Variants in UBP1 observed in about 807,000 individuals in gnomAD.
UBP1 encodes upstream binding protein 1.
Under a neutral mutation model 76.1 loss-of-function variants are expected in UBP1, and 22 were observed. The observed-to-expected ratio is 0.29, with a 90% CI of 0.21 to 0.41. The LOEUF (loss-of-function observed/expected upper bound fraction) is 0.41. UBP1 is among the 10% of genes least tolerant of loss of function. The probability of loss-of-function intolerance (pLI) is 1.00; values close to 1 mark genes in which losing one functional copy is unlikely to be tolerated. For synonymous variants in UBP1, 224 were observed against 237.1 expected (o/e 0.94, Z 0.51); for missense variants, 436 against 668.1 (o/e 0.65, Z 3.83).
At chr3:33,404,039 T>G (rs1035178186) in intron 8 of UBP1, among the ~76,000 whole-genome samples, 1 of 151,982 alleles carries the variant, frequency 6.6e-6, no homozygotes, top group African/African-American at 2.4e-5. Context: ...TAGCCCAGGA[T>G]AGCTTGAGCC....
intron 2 of UBP1, among the ~76,000 whole-genome samples, chr3:33,418,204 TCAA>T (rs2044779618): frequency 6.6e-6 from 1 of 152,160 alleles, no homozygotes; most frequent in Non-Finnish European, 1.5e-5. Flanking sequence ...GAAATAAAAA[TCAA>T]CAAAAGGTTT....
At chr3:33,395,593 G>A (rs2043946255) in intron 13 of UBP1, among the ~76,000 whole-genome samples, 2 of 151,760 alleles carry the variant, frequency 1.3e-5, no homozygotes, top group Admixed American at 6.6e-5. Context: ...TATTTACAGT[G>A]ACATAAAAAC....
rs550556547 is a variant in UBP1 at position 33,401,209 on chromosome 3, C to A, written c.1032-193G>T. Among the ~76,000 whole-genome samples, 13 of 152,246 alleles carry A rather than the reference C, an allele frequency of 8.5e-5. No homozygotes were observed. In the East Asian group the frequency reaches 2.3e-3, roughly 27 times the overall value. On this transcript the variant is annotated intron_variant, in intron 9 of 15. Coordinates refer to ENST00000283629, the MANE Select transcript of UBP1 (RefSeq NM_014517.5). ...TGGACATGATGACGAAATTAAGACA[C>A]AGAAGACTGTGTCTTAATTTGTGCC...
At chr3:33,421,306 C>T (rs1157811274) in intron 2 of UBP1, among the ~76,000 whole-genome samples, 6 of 28,772 alleles carry the variant, frequency 2.1e-4, no homozygotes, top group African/African-American at 4.0e-4. Context: ...TTGCAGGGGG[C>T]GGGGGCGGGG....
chr3:33,393,584 G>A, intron 13 of UBP1, 130 bp from the exon 14 acceptor site: 3 of 793,254 alleles, frequency 3.8e-6, no homozygotes, highest in Non-Finnish European at 3.6e-6. Context: ...CATTTTAAAT[G>A]GGAATAAACT....
intron 9 of UBP1, among the ~76,000 whole-genome samples, chr3:33,401,396 CA>C (rs894530381): frequency 1.3e-5 from 2 of 151,308 alleles, no homozygotes; most frequent in African/African-American, 2.4e-5. Flanking sequence ...AAAATAATTG[CA>C]AAAAAAATGA....
At chr3:33,410,791 G>A (rs969536303) in intron 5 of UBP1, among the ~76,000 whole-genome samples, 1 of 151,996 alleles carries the variant, frequency 6.6e-6, no homozygotes, top group Non-Finnish European at 1.5e-5. Context: ...ACTCTAACAG[G>A]CTGGGCACAG....
chr3:33,393,809 T>C (rs192473053), intron 13 of UBP1, among the ~76,000 whole-genome samples: 234 of 152,290 alleles, frequency 1.5e-3, no homozygotes, highest in Non-Finnish European at 2.5e-3. Context: ...CAAATGGACA[T>C]GGGGGATCTT....
chr3:33,427,611 G>A (rs936575194), intron 1 of UBP1, among the ~76,000 whole-genome samples: 17 of 152,160 alleles, frequency 1.1e-4, no homozygotes, highest in Non-Finnish European at 2.9e-5. Flanking sequence ...CAAGTGAAAT[G>A]GGACGGAAAC....
intron 2 of UBP1, 79 bp downstream of exon 2, chr3:33,425,510 TA>T: frequency 7.5e-7 from 1 of 1,325,038 alleles, no homozygotes; most frequent in South Asian, 2.0e-5. Context: ...TTATTACCAA[TA>T]ATCTAGGCTA....
intron 1 of UBP1, among the ~76,000 whole-genome samples, chr3:33,438,633 G>C (rs1435045152): frequency 6.6e-6 from 1 of 152,164 alleles, no homozygotes; most frequent in Non-Finnish European, 1.5e-5. Context: ...GGAACTCCAG[G>C]TTTAATATGC....
At chr3:33,434,111 C>A (rs2045161567) in intron 1 of UBP1, among the ~76,000 whole-genome samples, 1 of 152,052 alleles carries the variant, frequency 6.6e-6, no homozygotes. Flanking sequence ...TTCAAACAGT[C>A]CTAATTGAAG....
chr3:33,398,541 G>T (rs1177840113), intron 11 of UBP1: 2 of 152,488 alleles, frequency 1.3e-5, no homozygotes, highest in Non-Finnish European at 2.9e-5. Context: ...TGCCCCCAAG[G>T]ATCAGAGCAA....
In UBP1 at chr3:33,400,828, T is replaced by A. The variant is rs992752385; in HGVS notation, c.1086+134A>T. ...ACTCAGGTGATGGACACCCAAAATA[T>A]CCTGACTCGATTACCACACATTACC... On this transcript the variant is annotated intron_variant, in intron 10 of 15. Coordinates refer to ENST00000283629, the MANE Select transcript of UBP1 (RefSeq NM_014517.5). 95 of 828,998 alleles carry A rather than the reference T, an allele frequency of 1.1e-4. No individual in the cohort carries two copies. The Middle Eastern group carries it at 3.8e-3, about 33-fold the overall frequency. The allele number at this position is 828,998 out of a possible 1,614,324, so 51.4% of individuals were successfully genotyped here.
intron 8 of UBP1, among the ~76,000 whole-genome samples, chr3:33,407,063 T>C (rs1024231612): frequency 6.6e-6 from 1 of 152,234 alleles, no homozygotes; most frequent in Non-Finnish European, 1.5e-5. Context: ...TGAAGAAACA[T>C]ATGAAATTCT....
rs623244 is a variant in UBP1 at position 33,402,794 on chromosome 3, T to A, written c.1031+7A>T. The A allele has an allele frequency of 2.8e-5, 44 of 1,546,476 alleles. No individual in the cohort carries two copies. In the South Asian group the frequency reaches 3.3e-4, roughly 12 times the overall value. ...GCTGCAGGCACACGATCACACAAACTAGATACCTGTCTGGGACACTGCAAG... is the reference window on the plus strand; with the variant it reads ...GCTGCAGGCACACGATCACACAAACAAGATACCTGTCTGGGACACTGCAAG... On this transcript the variant is annotated splice_region_variant and intron_variant, in intron 9 of 15. Coordinates refer to ENST00000283629, the MANE Select transcript of UBP1 (RefSeq NM_014517.5).
At position 33,396,175 on chromosome 3, in the gene UBP1, A is replaced by C. The variant is rs771758375; in HGVS notation, c.1377T>G (p.Ser459Arg). Residue 459 changes from serine (S) to arginine (R), a missense_variant, in exon 13 of 16, where the codon AGT becomes AGG. By Grantham distance (110) the Ser-to-Arg change is moderately radical. Coordinates refer to ENST00000283629, the MANE Select transcript of UBP1 (RefSeq NM_014517.5). ...CTCAATACCTACCATAGGGTGCCCC[A>C]CTGCCATTCTCGCTTGCACTGCTTG... ...QAASSASENG[S>R]GAPYVYHAIY... The C allele has an allele frequency of 1.3e-6, 2 of 1,581,486 alleles. No homozygotes were observed. The highest frequency in any genetic ancestry group is 1.7e-6 in the Non-Finnish European group (2 of 1,154,414).
At chr3:33,427,140 T>A (rs931186496) in intron 1 of UBP1, among the ~76,000 whole-genome samples, 1 of 152,194 alleles carries the variant, frequency 6.6e-6, no homozygotes, top group African/African-American at 2.4e-5. Flanking sequence ...GGTAATTGTA[T>A]TTTTAGTAGA....
intron 8 of UBP1, among the ~76,000 whole-genome samples, chr3:33,408,117 GT>G (rs950022490): frequency 6.8e-5 from 10 of 147,744 alleles, no homozygotes; most frequent in South Asian, 2.1e-4. Context: ...TCCCATCAGA[GT>G]TTTTTTTTTT....
Sources: gnomAD v4.1 joint callset for allele counts (sites outside exome capture counted in the v4.1 genomes callset) on GRCh38, gnomAD v4.1.1 for gene constraint, MANE v1.5 for transcripts, NCBI Gene and HGNC (gene_info 2026-07-23, HGNC 2026-07-21) for gene names.